Variants in IKZF2 observed in about 807,000 individuals in gnomAD.
The protein encoded by IKZF2 is zinc finger protein Helios.
IKZF2 carries 15 observed loss-of-function variants against 49.2 expected under a neutral mutation model. That is an observed-to-expected ratio of 0.30 (90% CI 0.20 to 0.47). The LOEUF is 0.47. IKZF2 is among the 20% of genes least tolerant of loss of function. The pLI is 1.00. For missense variants in IKZF2, 567 were observed against 664.6 expected, an observed-to-expected ratio of 0.85 and a Z score of 1.61; for synonymous variants, 227 against 221.4, an observed-to-expected ratio of 1.03 and a Z score of -0.23.
At chr2:213,151,761 A>C (rs2061289186), upstream of IKZF2, among the ~76,000 whole-genome samples, 1 of 146,050 alleles carries the variant, frequency 6.8e-6, no homozygotes, top group East Asian at 2.0e-4. Context: ...GGCGGCGGGC[A>C]GCGGAGCCCC....
rs1394001033 is a variant in IKZF2, at chr2:213,006,197, T to A, written c.*1163A>T. 1 of 152,068 alleles carries A rather than the reference T, an allele frequency of 6.6e-6. No homozygotes were observed. The highest frequency in any genetic ancestry group is 1.5e-5 in the Non-Finnish European group (1 of 67,944). The allele number at this position is 152,068 out of a possible 1,614,324, so 9.4% of individuals were successfully genotyped here. On this transcript the variant is annotated 3_prime_UTR_variant, in exon 9 of 9. Coordinates refer to ENST00000434687, the MANE Select transcript of IKZF2 (RefSeq NM_001387220.1). ...AAATTAGCAATTGCTCTGAGGAGAT[T>A]TTGAAAGAAACAGCCGACAGGAAGA...
intron 6 of IKZF2, among the ~76,000 whole-genome samples, chr2:213,023,862 G>GTACTA (rs1365504822): frequency 6.6e-6 from 1 of 152,040 alleles, no homozygotes; most frequent in African/African-American, 2.4e-5. Flanking sequence ...TGCCTCTGTT[G>GTACTA]TACTATGAGC....
chr2:213,145,965 G>A (rs1190540861), intron 4 of IKZF2, among the ~76,000 whole-genome samples: 1 of 152,042 alleles, frequency 6.6e-6, no homozygotes, highest in African/African-American at 2.4e-5. Flanking sequence ...TATTTAAAAA[G>A]ATGAGTGAAC....
chr2:213,139,147 T>G (rs1992395), intron 4 of IKZF2, among the ~76,000 whole-genome samples: 66,397 of 151,586 alleles, frequency 0.44, 17,984 homozygotes, highest in East Asian at 0.91. Context: ...TGAATGGATC[T>G]CAGGCCAGAA....
intron 4 of IKZF2, among the ~76,000 whole-genome samples, chr2:213,137,128 T>C (rs1362291043): frequency 2.0e-5 from 3 of 152,204 alleles, no homozygotes; most frequent in South Asian, 2.1e-4. Context: ...CTTTTTGTTT[T>C]TATTTCCAAA....
At position 213,001,177 on chromosome 2, in the gene IKZF2, G is replaced by C. The variant is rs1362673429; in HGVS notation, c.*6183C>G. 1 of 151,954 alleles carries C rather than the reference G, an allele frequency of 6.6e-6. No individual in the cohort carries two copies. Among genetic ancestry groups the C allele is most frequent in the Admixed American group, 6.6e-5 (1 of 15,150 alleles). 9.4% of individuals were successfully genotyped at this position (151,954 alleles called of 1,614,324 possible). A position where few individuals can be genotyped will look rare whatever the true frequency, so the allele number is the denominator to read the frequency against. ...CTAATAGCAGAAGCAATCATTCTGGGATTGCAAATAACACATGGTCTAAAA... is the reference window on the plus strand; with the variant it reads ...CTAATAGCAGAAGCAATCATTCTGGCATTGCAAATAACACATGGTCTAAAA... On this transcript the variant is annotated 3_prime_UTR_variant, in exon 9 of 9. Transcript: ENST00000434687.
chr2:213,123,165 A>G (rs2060113740), intron 4 of IKZF2, among the ~76,000 whole-genome samples: 1 of 152,212 alleles, frequency 6.6e-6, no homozygotes, highest in Non-Finnish European at 1.5e-5. Context: ...TCACCTAGGA[A>G]TCTTTCTTAA....
intron 4 of IKZF2, among the ~76,000 whole-genome samples, chr2:213,122,617 C>T (rs1487427477): frequency 3.3e-5 from 5 of 152,176 alleles, no homozygotes; most frequent in African/African-American, 7.2e-5. Context: ...AAAAGTACTA[C>T]GTGACCTTGC....
intron 4 of IKZF2, among the ~76,000 whole-genome samples, chr2:213,070,431 A>G (rs1702574691): frequency 6.6e-6 from 1 of 152,066 alleles, no homozygotes; most frequent in African/African-American, 2.4e-5. Context: ...ACTTACATCT[A>G]ATATATAAAG....
chr2:213,133,040 T>C (rs941116381), intron 4 of IKZF2, among the ~76,000 whole-genome samples: 1 of 152,244 alleles, frequency 6.6e-6, no homozygotes. Context: ...TGCAATGCTT[T>C]GGACTAATTT....
At chr2:213,008,110 AG>A in intron 8 of IKZF2, 26 bp from the exon 9 acceptor site, 14 of 1,498,630 alleles carry the variant, frequency 9.3e-6, no homozygotes, top group African/African-American at 4.6e-5. Context: ...AGGTGAAAGA[AG>A]TAAAAAAAAA....
rs1367148021 is a variant in IKZF2, at chr2:213,002,737, A to G, written c.*4623T>C. Reference sequence around the variant, plus strand: ...TTTCACATTATTCCATCAATTTTCAATCTCTATTTTCTAACAGATTAGAAA... The same window carrying G: ...TTTCACATTATTCCATCAATTTTCAGTCTCTATTTTCTAACAGATTAGAAA... On this transcript the variant is annotated 3_prime_UTR_variant, in exon 9 of 9. Transcript: ENST00000434687. 6.6e-6 allele frequency: 1 copy of G among 151,894 alleles called. No individual in the cohort carries two copies. Among genetic ancestry groups the G allele is most frequent in the Middle Eastern group, 3.2e-3 (1 of 316 alleles). The allele number at this position is 151,894 out of a possible 1,614,324, so 9.4% of individuals were successfully genotyped here.
chr2:213,105,647 T>C (rs556340217), intron 4 of IKZF2, among the ~76,000 whole-genome samples: 1 of 152,186 alleles, frequency 6.6e-6, no homozygotes, highest in East Asian at 1.9e-4. Flanking sequence ...CATCGAAACA[T>C]ACCAATTTAT....
intron 4 of IKZF2, among the ~76,000 whole-genome samples, chr2:213,083,555 T>C (rs1704222586): frequency 7.7e-6 from 1 of 129,220 alleles, no homozygotes; most frequent in Non-Finnish European, 1.7e-5. Context: ...GGCTAACTTT[T>C]TTTTTTTTTT....
At chr2:213,041,049 C>T (rs746130141) in intron 6 of IKZF2, among the ~76,000 whole-genome samples, 2 of 151,434 alleles carry the variant, frequency 1.3e-5, no homozygotes, top group African/African-American at 2.4e-5. Context: ...ACCCAGGAGG[C>T]GGAGGTTGCA....
At chr2:213,094,992 T>C (rs147593295) in intron 4 of IKZF2, among the ~76,000 whole-genome samples, 64 of 152,272 alleles carry the variant, frequency 4.2e-4, no homozygotes, top group African/African-American at 1.5e-3. Flanking sequence ...AAGTGGTATA[T>C]GAGAATTATG....
intron 4 of IKZF2, among the ~76,000 whole-genome samples, chr2:213,114,514 G>A (rs528491705): frequency 6.6e-6 from 1 of 152,118 alleles, no homozygotes; most frequent in Non-Finnish European, 1.5e-5. Context: ...AAAATAAAGT[G>A]TATGAAAATG....
intron 5 of IKZF2, 34 bp from the exon 6 acceptor site, chr2:213,049,914 T>G (rs770532469): frequency 4.1e-5 from 61 of 1,472,358 alleles, no homozygotes; most frequent in Admixed American, 1.0e-4. Flanking sequence ...AAGTATCAAC[T>G]AGGGTATGTG....
chr2:213,070,577 T>C (rs1702590868), intron 4 of IKZF2, among the ~76,000 whole-genome samples: 1 of 152,070 alleles, frequency 6.6e-6, no homozygotes, highest in Non-Finnish European at 1.5e-5. Context: ...CAAATACCAA[T>C]TTATAGAGTA....
Sources: allele counts gnomAD v4.1 joint callset (sites outside exome capture counted in the v4.1 genomes callset), GRCh38; gene constraint gnomAD v4.1.1; transcripts MANE v1.5; gene names NCBI Gene and HGNC (gene_info 2026-07-23, HGNC 2026-07-21).